CNTN5: variants seen among roughly 807,000 people sequenced by gnomAD.
CNTN5 encodes the protein contactin-5.
CNTN5 carries 77 observed loss-of-function variants against 129.1 expected under a neutral mutation model. That is an observed-to-expected ratio of 0.60 (90% CI 0.50 to 0.72). CNTN5 has a LOEUF of 0.72. CNTN5 is among the 30% of genes least tolerant of loss of function. CNTN5 has a pLI of 0.00. For synonymous variants in CNTN5, 509 were observed against 465.6 expected, an observed-to-expected ratio of 1.09 and a Z score of -1.20; for missense variants, 1,478 against 1,328.8, an observed-to-expected ratio of 1.11 and a Z score of -1.75.
intron 16 of CNTN5, among the ~76,000 whole-genome samples, chr11:100,240,712 G>C (rs1949722183): frequency 1.3e-5 from 2 of 152,120 alleles, no homozygotes; most frequent in African/African-American, 4.8e-5. Flanking sequence ...AATAAAGCAA[G>C]TACAAATTTA....
intron 2 of CNTN5, among the ~76,000 whole-genome samples, chr11:99,334,231 T>C (rs953463234): frequency 6.6e-6 from 1 of 151,846 alleles, no homozygotes; most frequent in Non-Finnish European, 1.5e-5. Context: ...AGGGTAAAAA[T>C]AGAATGTGAG....
intron 3 of CNTN5, among the ~76,000 whole-genome samples, chr11:99,793,048 GTCTA>G (rs1241084046): frequency 1.3e-5 from 2 of 151,504 alleles, no homozygotes; most frequent in Admixed American, 6.6e-5. Context: ...TCTACTAGCA[GTCTA>G]TCTATCTTAT....
chr11:99,453,215 T>A (rs1258784031), intron 2 of CNTN5, among the ~76,000 whole-genome samples: 1 of 152,204 alleles, frequency 6.6e-6, no homozygotes, highest in Non-Finnish European at 1.5e-5. Flanking sequence ...TTTTATTCAT[T>A]TTTTTAGACA....
chr11:100,319,831 A>G (rs187714716), intron 21 of CNTN5, among the ~76,000 whole-genome samples: 348 of 152,256 alleles, frequency 2.3e-3, no homozygotes, highest in South Asian at 9.7e-3. Context: ...GGCTTATTTC[A>G]CTTAACATAA....
intron 13 of CNTN5, among the ~76,000 whole-genome samples, chr11:100,112,866 A>C (rs1427737231): frequency 1.3e-5 from 2 of 152,170 alleles, no homozygotes; most frequent in Admixed American, 1.3e-4. Flanking sequence ...ACTAACTCCC[A>C]GTTAATAATG....
At chr11:99,501,829 A>G (rs77916133) in intron 2 of CNTN5, among the ~76,000 whole-genome samples, 1 of 152,098 alleles carries the variant, frequency 6.6e-6, no homozygotes, top group Non-Finnish European at 1.5e-5. Context: ...AAGATGATAC[A>G]CTCACCTGTC....
intron 13 of CNTN5, among the ~76,000 whole-genome samples, chr11:100,172,640 T>C (rs1273947465): frequency 6.6e-6 from 1 of 151,932 alleles, no homozygotes; most frequent in Admixed American, 6.6e-5. Flanking sequence ...GCAGGAAAAG[T>C]CTTACAGAAG....
chr11:99,346,738 C>T (rs1218587909), intron 2 of CNTN5, among the ~76,000 whole-genome samples: 2 of 152,128 alleles, frequency 1.3e-5, no homozygotes, highest in Admixed American at 6.5e-5. Flanking sequence ...TAGAATAGGT[C>T]ATAAGTATGA....
At chr11:99,399,168 A>G (rs1309782300) in intron 2 of CNTN5, among the ~76,000 whole-genome samples, 1 of 150,276 alleles carries the variant, frequency 6.7e-6, no homozygotes, top group Non-Finnish European at 1.5e-5. Flanking sequence ...AAAAAAAACT[A>G]AAATATTAAT....
intron 2 of CNTN5, among the ~76,000 whole-genome samples, chr11:99,449,168 C>G (rs1352066757): frequency 6.6e-6 from 1 of 152,096 alleles, no homozygotes; most frequent in Non-Finnish European, 1.5e-5. Flanking sequence ...AAAAACTACT[C>G]GTTTCTTTAA....
At chr11:99,893,982 C>A (rs780647471) in intron 6 of CNTN5, among the ~76,000 whole-genome samples, 1 of 152,014 alleles carries the variant, frequency 6.6e-6, no homozygotes, top group Non-Finnish European at 1.5e-5. Flanking sequence ...GCAGCTGTTG[C>A]CACTGCCTTG....
intron 3 of CNTN5, among the ~76,000 whole-genome samples, chr11:99,702,563 A>G (rs1380350908): frequency 1.3e-5 from 2 of 150,958 alleles, no homozygotes; most frequent in Admixed American, 6.6e-5. Flanking sequence ...TTTCTAATTG[A>G]AAACTAGATG....
intron 3 of CNTN5, among the ~76,000 whole-genome samples, chr11:99,643,804 A>G (rs900137935): frequency 7.3e-5 from 11 of 151,560 alleles, no homozygotes; most frequent in African/African-American, 2.7e-4. Flanking sequence ...ATTTAGAAAA[A>G]AATGAAATAA....
At chr11:99,812,154 C>G (rs927652546) in intron 3 of CNTN5, among the ~76,000 whole-genome samples, 2 of 152,054 alleles carry the variant, frequency 1.3e-5, no homozygotes, top group Admixed American at 6.6e-5. Context: ...ACATGTTGCT[C>G]TAGCCAATAG....
At chr11:99,210,068 A>G (rs1211529818) in intron 1 of CNTN5, among the ~76,000 whole-genome samples, 1 of 152,192 alleles carries the variant, frequency 6.6e-6, no homozygotes, top group Non-Finnish European at 1.5e-5. Flanking sequence ...TCAATCCTTC[A>G]GAAAAGACAA....
chr11:99,904,035 A>T (rs1949428371), intron 6 of CNTN5, among the ~76,000 whole-genome samples: 1 of 152,164 alleles, frequency 6.6e-6, no homozygotes, highest in South Asian at 2.1e-4. Context: ...GATGTAGAGA[A>T]AGGGGAACTC....
At chr11:100,187,272 C>T (rs576156159) in intron 13 of CNTN5, among the ~76,000 whole-genome samples, 3 of 152,052 alleles carry the variant, frequency 2.0e-5, no homozygotes, top group African/African-American at 7.2e-5. Flanking sequence ...TTTATCAGTT[C>T]CAGGAGTCAT....
intron 17 of CNTN5, among the ~76,000 whole-genome samples, chr11:100,267,280 C>CACACACAGAG (rs371454644): frequency 3.4e-5 from 5 of 148,584 alleles, no homozygotes; most frequent in East Asian, 4.2e-4. Flanking sequence ...CACACACACA[C>CACACACAGAG]AGAGAGAGAG....
chr11:99,661,256 C>T (rs1952582896), intron 3 of CNTN5, among the ~76,000 whole-genome samples: 1 of 152,080 alleles, frequency 6.6e-6, no homozygotes, highest in South Asian at 2.1e-4. Flanking sequence ...AGAAAATTCT[C>T]CTAGACTGAA....
Sources: gnomAD v4.1 joint callset for allele counts (sites outside exome capture counted in the v4.1 genomes callset) on GRCh38, gnomAD v4.1.1 for gene constraint, MANE v1.5 for transcripts, NCBI Gene and HGNC (gene_info 2026-07-23, HGNC 2026-07-21) for gene names.